ZNF141: variants seen among roughly 807,000 people sequenced by gnomAD.
ZNF141 encodes the protein zinc finger protein 141 (clone pHZ-44).
In ZNF141, 7 loss-of-function variants were observed where a neutral mutation model predicts 11.3. The ratio of observed to expected loss-of-function variants is 0.62; its 90% CI spans 0.35 to 1.16. ZNF141 has a LOEUF of 1.16. Ranked by LOEUF, ZNF141 falls within the 50% of genes most tolerant of loss-of-function variation. The probability of loss-of-function intolerance (pLI) is 0.02; values close to 1 mark genes in which losing one functional copy is unlikely to be tolerated. For missense variants in ZNF141, 535 were observed against 554.0 expected (o/e 0.97, Z 0.34); for synonymous variants, 183 against 190.7 (o/e 0.96, Z 0.33).
At chr4:360,724 C>G (rs555919078) in intron 3 of ZNF141, among the ~76,000 whole-genome samples, 5 of 152,204 alleles carry the variant, frequency 3.3e-5, no homozygotes, top group African/African-American at 1.2e-4. Context: ...AAAAAATATA[C>G]ATAAATATAT....
At chr4:354,410 T>A (rs1024694858) in intron 3 of ZNF141, among the ~76,000 whole-genome samples, 1 of 152,180 alleles carries the variant, frequency 6.6e-6, no homozygotes, top group Non-Finnish European at 1.5e-5. Context: ...TAAATGTAAA[T>A]GCAAAATAGA....
At chr4:345,755 T>C (rs1553849430) in intron 3 of ZNF141, among the ~76,000 whole-genome samples, 2 of 151,298 alleles carry the variant, frequency 1.3e-5, no homozygotes, top group Non-Finnish European at 2.9e-5. Flanking sequence ...AAAAAAGTTT[T>C]TGAAAAATTT....
intron 3 of ZNF141, among the ~76,000 whole-genome samples, chr4:369,762 A>ATTTTT (rs1440952353): frequency 2.2e-3 from 73 of 33,492 alleles, no homozygotes; most frequent in African/African-American, 0.013. Context: ...ATATATATAT[A>ATTTTT]TATTTTTTTT....
chr4:355,156 TA>T (rs1326187175), intron 3 of ZNF141, among the ~76,000 whole-genome samples: 2 of 151,934 alleles, frequency 1.3e-5, no homozygotes, highest in African/African-American at 4.8e-5. Flanking sequence ...GAAGTTTTTT[TA>T]ATGACGAATT....
intron 2 of ZNF141, 43 bp from the exon 3 acceptor site, chr4:344,292 C>T: frequency 6.6e-7 from 1 of 1,525,354 alleles, no homozygotes; most frequent in South Asian, 1.1e-5. Flanking sequence ...ATTGGAGAAT[C>T]CCCATCAATA....
At chr4:339,396 A>C (rs907542617) in intron 1 of ZNF141, among the ~76,000 whole-genome samples, 1 of 152,106 alleles carries the variant, frequency 6.6e-6, no homozygotes, top group Non-Finnish European at 1.5e-5. Flanking sequence ...GCCCCCACTC[A>C]AGGCTCTTGA....
intron 1 of ZNF141, chr4:342,895 T>G: frequency 3.1e-6 from 5 of 1,600,480 alleles, no homozygotes; most frequent in Non-Finnish European, 4.3e-6. Flanking sequence ...ACTGCCGAAG[T>G]CCAAAAGCTT....
At chr4:350,798 G>A (rs1721557973) in intron 3 of ZNF141, among the ~76,000 whole-genome samples, 1 of 152,124 alleles carries the variant, frequency 6.6e-6, no homozygotes, top group Admixed American at 6.6e-5. Context: ...GGAGTGCAGT[G>A]GCATGATCTC....
chr4:364,902 G>A (rs961457425), intron 3 of ZNF141, among the ~76,000 whole-genome samples: 2 of 152,246 alleles, frequency 1.3e-5, no homozygotes, highest in Non-Finnish European at 2.9e-5. Context: ...AGAAGTTTCT[G>A]CTGCCTTTTG....
At chr4:362,663 C>T (rs966975408) in intron 3 of ZNF141, among the ~76,000 whole-genome samples, 2 of 152,102 alleles carry the variant, frequency 1.3e-5, no homozygotes, top group South Asian at 2.1e-4. Flanking sequence ...GTTTTTGTCA[C>T]ATTTGTCAAA....
intron 3 of ZNF141, among the ~76,000 whole-genome samples, chr4:352,667 A>C (rs1483080881): frequency 6.6e-6 from 1 of 152,174 alleles, no homozygotes; most frequent in Non-Finnish European, 1.5e-5. Context: ...AGGATTGGAG[A>C]GACCTTAGTC....
At position 381,993 on chromosome 4, in the gene ZNF141, T is replaced by A. The variant is rs1712645643; in HGVS notation, c.*8131T>A. 7.0e-6 allele frequency among the ~76,000 whole-genome samples: 1 copy of A among 143,338 alleles called. No homozygotes were observed. Among genetic ancestry groups the A allele is most frequent in the Admixed American group, 6.9e-5 (1 of 14,436 alleles). 94.0% of individuals were successfully genotyped at this position (143,338 alleles called of 152,430 possible). ...GACGGAGTCTCACTCTCGCCCAGGC[T>A]GGAGTGCAGTGGCTCGATCTCGGCT... On this transcript the variant is annotated 3_prime_UTR_variant, in exon 4 of 4. Coordinates refer to ENST00000240499, the MANE Select transcript of ZNF141 (RefSeq NM_003441.4).
intron 3 of ZNF141, among the ~76,000 whole-genome samples, chr4:357,224 G>C (rs542392823): frequency 3.1e-4 from 47 of 152,118 alleles, no homozygotes; most frequent in Non-Finnish European, 5.1e-4. Flanking sequence ...AATGTACTAG[G>C]ATTACAGGCA....
At chr4:352,650 A>G (rs573491149) in intron 3 of ZNF141, among the ~76,000 whole-genome samples, 6 of 152,312 alleles carry the variant, frequency 3.9e-5, no homozygotes, top group African/African-American at 1.2e-4. Context: ...TTTCTTGCGG[A>G]TCACAAAGGA....
intron 3 of ZNF141, among the ~76,000 whole-genome samples, chr4:367,664 G>T (rs559501640): frequency 6.6e-6 from 1 of 151,790 alleles, no homozygotes. Flanking sequence ...TTACAGGTGC[G>T]CACCACCATG....
intron 3 of ZNF141, among the ~76,000 whole-genome samples, chr4:365,637 T>G (rs1304018327): frequency 6.6e-6 from 1 of 152,242 alleles, no homozygotes; most frequent in Admixed American, 6.5e-5. Context: ...CAAAACATTT[T>G]TAGTTTGTTG....
chr4:363,734 C>T (rs1177805233), intron 3 of ZNF141, among the ~76,000 whole-genome samples: 2 of 148,918 alleles, frequency 1.3e-5, no homozygotes, highest in Non-Finnish European at 3.0e-5. Context: ...CTCCAGCCTG[C>T]ACGACACAGT....
intron 3 of ZNF141, among the ~76,000 whole-genome samples, chr4:359,179 G>T (rs56048545): frequency 0.02 from 3,021 of 152,210 alleles, 54 homozygotes; most frequent in Non-Finnish European, 0.029. Flanking sequence ...ACTACTACTG[G>T]GTCTACAGTG....
chr4:354,278 C>A (rs139667831), intron 3 of ZNF141, among the ~76,000 whole-genome samples: 14 of 151,602 alleles, frequency 9.2e-5, no homozygotes, highest in African/African-American at 3.2e-4. Context: ...ATTTTCCCCC[C>A]ACAGACCCTC....
Sources: allele counts gnomAD v4.1 joint callset (sites outside exome capture counted in the v4.1 genomes callset), GRCh38; gene constraint gnomAD v4.1.1; transcripts MANE v1.5; gene names NCBI Gene and HGNC (gene_info 2026-07-23, HGNC 2026-07-21).